The following SYT9 variants were observed in gnomAD, a reference collection of about 807,000 sequenced individuals.
SYT9 encodes the protein synaptotagmin 9, also known as synaptotagmin-9.
A neutral mutation model predicts 48.4 loss-of-function variants in SYT9; 22 were observed. That is an observed-to-expected ratio of 0.45 (90% CI 0.32 to 0.65). The LOEUF (loss-of-function observed/expected upper bound fraction) is 0.65, where lower values mean the gene tolerates loss of function less well. Among genes scored for constraint, SYT9 ranks in the 30% least tolerant of loss-of-function variants. The probability of loss-of-function intolerance (pLI) is 0.03; values close to 1 mark genes in which losing one functional copy is unlikely to be tolerated. For synonymous variants in SYT9, 265 were observed against 245.0 expected (o/e 1.08, Z -0.76); for missense variants, 577 against 622.0 (o/e 0.93, Z 0.77).
At chr11:7,341,613 C>G (rs910946796) in intron 3 of SYT9, among the ~76,000 whole-genome samples, 1 of 152,088 alleles carries the variant, frequency 6.6e-6, no homozygotes, top group African/African-American at 2.4e-5. Context: ...TTATAAATTA[C>G]CCAGTCTTAG....
intron 3 of SYT9, among the ~76,000 whole-genome samples, chr11:7,388,182 A>T (rs1234200377): frequency 6.6e-6 from 1 of 152,210 alleles, no homozygotes; most frequent in Non-Finnish European, 1.5e-5. Context: ...TTACTTAATG[A>T]GACATAGACA....
Position 7,252,844 on chromosome 11 carries a change from A to G in SYT9, c.145+513A>G, listed in dbSNP as rs958936326. On this transcript the variant is annotated intron_variant, in intron 1 of 6. Coordinates refer to ENST00000318881, the MANE Select transcript of SYT9 (RefSeq NM_175733.4). This position sits in a 1 kb window ranked among gnomAD's most constrained non-coding sequence, Gnocchi z 6.3. ...CTTGGTATGGGGTGAGAAGGGCGGG[A>G]CGCGATCCGGCGTTGGGCCGGGGAC... 6.6e-6 allele frequency among the ~76,000 whole-genome samples: 1 copy of G among 152,180 alleles called. No individual in the cohort carries two copies. Among genetic ancestry groups the G allele is most frequent in the African/African-American group, 2.4e-5 (1 of 41,450 alleles).
intron 3 of SYT9, among the ~76,000 whole-genome samples, chr11:7,375,761 T>G (rs1850441484): frequency 6.6e-6 from 1 of 152,194 alleles, no homozygotes; most frequent in Non-Finnish European, 1.5e-5. Context: ...TGCACATTGA[T>G]TTTGTATCCT....
intron 6 of SYT9, chr11:7,439,380 T>C (rs897665320): frequency 1.3e-5 from 2 of 152,104 alleles, no homozygotes; most frequent in African/African-American, 2.4e-5. Flanking sequence ...GGTGGACTGA[T>C]AGGAGGGAGG....
intron 3 of SYT9, among the ~76,000 whole-genome samples, chr11:7,334,714 T>G (rs1020241314): frequency 1.4e-5 from 2 of 140,126 alleles, no homozygotes; most frequent in Admixed American, 1.5e-4. Flanking sequence ...TTTTCTAGGA[T>G]TTTATAGAAA....
At chr11:7,452,971 G>A (rs1421611990) in intron 6 of SYT9, among the ~76,000 whole-genome samples, 3 of 152,020 alleles carry the variant, frequency 2.0e-5, no homozygotes, top group East Asian at 2.0e-4. Flanking sequence ...TAGTAGAGAC[G>A]GGGTTTCTTC....
At chr11:7,303,772 C>G (rs1201604902) in intron 2 of SYT9, among the ~76,000 whole-genome samples, 1 of 152,162 alleles carries the variant, frequency 6.6e-6, no homozygotes, top group Non-Finnish European at 1.5e-5. Flanking sequence ...GATTTGAACC[C>G]TGGCTCAACC....
intron 3 of SYT9, among the ~76,000 whole-genome samples, chr11:7,372,669 C>T (rs1022011763): frequency 6.6e-6 from 1 of 151,970 alleles, no homozygotes; most frequent in Non-Finnish European, 1.5e-5. Context: ...TGTAGGAATT[C>T]TTTATTTTTA....
intron 6 of SYT9, among the ~76,000 whole-genome samples, chr11:7,446,503 G>C (rs1590036970): frequency 6.6e-6 from 1 of 152,292 alleles, no homozygotes; most frequent in Middle Eastern, 3.4e-3. Flanking sequence ...TGGTCCTCCT[G>C]TCCAGTGATC....
chr11:7,263,001 A>G (rs1327019406), intron 1 of SYT9, among the ~76,000 whole-genome samples: 1 of 152,166 alleles, frequency 6.6e-6, no homozygotes, highest in Non-Finnish European at 1.5e-5. Context: ...AAAAATCATG[A>G]TATAGGATAA....
intron 3 of SYT9, among the ~76,000 whole-genome samples, chr11:7,411,272 T>C (rs1847132551): frequency 6.6e-6 from 1 of 152,356 alleles, no homozygotes; most frequent in Non-Finnish European, 1.5e-5. Context: ...GGTTTGGTTG[T>C]TTTCTGTAGT....
At chr11:7,458,791 G>A (rs945309823) in intron 6 of SYT9, among the ~76,000 whole-genome samples, 9 of 152,204 alleles carry the variant, frequency 5.9e-5, no homozygotes, top group African/African-American at 2.2e-4. Context: ...GATCAGAAAG[G>A]TAACAGCGGG....
chr11:7,362,821 G>A (rs58420897), intron 3 of SYT9, among the ~76,000 whole-genome samples: 4,038 of 151,840 alleles, frequency 0.027, 179 homozygotes, highest in African/African-American at 0.093. Flanking sequence ...AATTGAAGAT[G>A]TAACCATTTA....
intron 4 of SYT9, among the ~76,000 whole-genome samples, chr11:7,416,635 T>C (rs1473430863): frequency 1.3e-5 from 2 of 152,228 alleles, no homozygotes; most frequent in Non-Finnish European, 2.9e-5. Context: ...GATTAGGTAT[T>C]GTAAGCAATC....
intron 3 of SYT9, among the ~76,000 whole-genome samples, chr11:7,343,662 CAGT>C (rs1452886951): frequency 6.6e-6 from 1 of 152,220 alleles, no homozygotes; most frequent in African/African-American, 2.4e-5. Context: ...GCCCGTTACC[CAGT>C]TCCAAAGTCA....
At chr11:7,258,348 T>C (rs530644352) in intron 1 of SYT9, among the ~76,000 whole-genome samples, 3 of 152,280 alleles carry the variant, frequency 2.0e-5, no homozygotes, top group Admixed American at 6.5e-5. Context: ...TGTGGAGAAG[T>C]TTTCAGTTTT....
intron 3 of SYT9, among the ~76,000 whole-genome samples, chr11:7,336,807 T>C (rs1429362148): frequency 2.0e-5 from 3 of 152,192 alleles, no homozygotes; most frequent in Non-Finnish European, 4.4e-5. Flanking sequence ...TTGTTCTTTT[T>C]GCTTAGAATT....
intron 3 of SYT9, among the ~76,000 whole-genome samples, chr11:7,371,430 A>G (rs1010702093): frequency 2.6e-5 from 4 of 152,014 alleles, no homozygotes; most frequent in Non-Finnish European, 4.4e-5. Context: ...GATTTTTTCT[A>G]TGTACATTAT....
chr11:7,378,140 C>A lies in SYT9; in HGVS notation c.1045-37902C>A, dbSNP rs1026072128. Among the ~76,000 whole-genome samples the A allele has an allele frequency of 2.7e-5, 4 of 148,784 alleles. No homozygotes were observed. The South Asian group carries it at 8.4e-4, about 31-fold the overall frequency. On this transcript the variant is annotated intron_variant, in intron 3 of 6. Coordinates refer to ENST00000318881, the MANE Select transcript of SYT9 (RefSeq NM_175733.4). ...ATACAAAAAAAAAAAAAATTACCAG[C>A]AGAGAAGTGAGCAGGAGTTATTCAG... is the stretch of plus-strand genomic sequence containing the variant.
Sources: allele counts gnomAD v4.1 joint callset (sites outside exome capture counted in the v4.1 genomes callset), GRCh38; gene constraint gnomAD v4.1.1; non-coding constraint Gnocchi (gnomAD v3.1); transcripts MANE v1.5; gene names NCBI Gene and HGNC (gene_info 2026-07-23, HGNC 2026-07-21).